TIAM2: variants seen among roughly 807,000 people sequenced by gnomAD.
TIAM2 encodes the protein TIAM Rac1 associated GEF 2.
A neutral mutation model predicts 152.9 loss-of-function variants in TIAM2; 80 were observed. The ratio of observed to expected loss-of-function variants is 0.52; its 90% CI spans 0.44 to 0.63. TIAM2 has a LOEUF of 0.63. Among genes scored for constraint, TIAM2 ranks in the 30% least tolerant of loss-of-function variants. The pLI is 0.00. For missense variants in TIAM2, 1,965 were observed against 2,120.1 expected (o/e 0.93, Z 1.44); for synonymous variants, 804 against 838.0 (o/e 0.96, Z 0.70).
Position 155,016,568 on chromosome 6 carries a change from T to G in TIAM2, c.-209+21076T>G, listed in dbSNP as rs73001057. On this transcript the variant is annotated intron_variant, in intron 1 of 26. Coordinates refer to ENST00000682666, the MANE Select transcript of TIAM2 (RefSeq NM_012454.4). ...ATTTAAATGGTATTTACATTTAAAT[T>G]TAAATGGTATTTACATTTAAATGGT... Among the ~76,000 whole-genome samples, 944 of 99,992 alleles carry G rather than the reference T, an allele frequency of 9.4e-3. 6 individuals carry two copies. The highest frequency in any genetic ancestry group is 0.02 in the African/African-American group (611 of 31,128). 65.6% of individuals were successfully genotyped at this position (99,992 alleles called of 152,430 possible).
chr6:155,045,551 C>T (rs1777156243), intron 1 of TIAM2, among the ~76,000 whole-genome samples: 1 of 151,916 alleles, frequency 6.6e-6, no homozygotes, highest in Admixed American at 6.6e-5. Flanking sequence ...AATGGGTTTT[C>T]CTCAAATAAG....
intron 2 of TIAM2, among the ~76,000 whole-genome samples, chr6:155,126,307 G>T (rs1779294620): frequency 6.6e-6 from 1 of 152,188 alleles, no homozygotes; most frequent in Non-Finnish European, 1.5e-5. Flanking sequence ...AGTTGCCAGG[G>T]GCTGTGGGAC....
chr6:155,093,004 ATAATAAGTTATACTTC>A (rs984950375), intron 2 of TIAM2, among the ~76,000 whole-genome samples: 3 of 152,230 alleles, frequency 2.0e-5, no homozygotes, highest in African/African-American at 7.2e-5. Context: ...AGACTTGCTT[ATAATAAGTTATACTTC>A]TAATAAGTAA....
At chr6:155,025,666 A>AT (rs1776586545) in intron 1 of TIAM2, among the ~76,000 whole-genome samples, 1 of 151,858 alleles carries the variant, frequency 6.6e-6, no homozygotes, top group Non-Finnish European at 1.5e-5. Flanking sequence ...ACATTGTAAC[A>AT]TTTTTTCATC....
intron 20 of TIAM2, among the ~76,000 whole-genome samples, chr6:155,248,612 A>C (rs1008067772): frequency 2.0e-5 from 3 of 152,202 alleles, no homozygotes; most frequent in African/African-American, 4.8e-5. Context: ...CCTTGTGGAG[A>C]TCTCTGAGCA....
At chr6:155,074,148 T>C (rs1777903085) in intron 1 of TIAM2, among the ~76,000 whole-genome samples, 1 of 152,160 alleles carries the variant, frequency 6.6e-6, no homozygotes, top group South Asian at 2.1e-4. Flanking sequence ...GATATTATTA[T>C]TGATTTGTTG....
chr6:155,028,498 GT>G, intron 1 of TIAM2, among the ~76,000 whole-genome samples: 1 of 87,318 alleles, frequency 1.1e-5, no homozygotes, highest in Non-Finnish European at 2.5e-5. Flanking sequence ...TATATATACT[GT>G]GTTACATATA....
At chr6:155,004,268 G>A (rs1255257541) in intron 1 of TIAM2, among the ~76,000 whole-genome samples, 6 of 152,146 alleles carry the variant, frequency 3.9e-5, no homozygotes, top group Non-Finnish European at 8.8e-5. Context: ...TCTAGCTCCT[G>A]GTCTGTAGTC....
intron 1 of TIAM2, among the ~76,000 whole-genome samples, chr6:155,012,324 ATAATCC>A (rs1778503389): frequency 6.6e-6 from 1 of 152,220 alleles, no homozygotes; most frequent in Admixed American, 6.5e-5. Flanking sequence ...GAAGGGAATG[ATAATCC>A]TTAACAGTAT....
chr6:155,098,266 A>G (rs1778464211), intron 2 of TIAM2, among the ~76,000 whole-genome samples: 1 of 152,146 alleles, frequency 6.6e-6, no homozygotes, highest in Non-Finnish European at 1.5e-5. Flanking sequence ...TGCTTTGCGT[A>G]GTATTGCCAT....
chr6:155,036,942 A>G (rs1776935222), intron 1 of TIAM2, among the ~76,000 whole-genome samples: 1 of 152,182 alleles, frequency 6.6e-6, no homozygotes. Flanking sequence ...AAGTTCAGAC[A>G]TTTAAAATTA....
intron 1 of TIAM2, among the ~76,000 whole-genome samples, chr6:155,074,097 G>C (rs1470490686): frequency 6.6e-6 from 1 of 152,108 alleles, no homozygotes; most frequent in African/African-American, 2.4e-5. Flanking sequence ...ATGATACCAG[G>C]TCCTACTTCA....
chr6:155,204,109 G>A (rs187505122), intron 14 of TIAM2, among the ~76,000 whole-genome samples: 15 of 152,258 alleles, frequency 9.9e-5, no homozygotes, highest in Non-Finnish European at 1.8e-4. Flanking sequence ...CACATTGTTC[G>A]ACTGGACCTT....
chr6:155,177,063 T>G lies in TIAM2; in HGVS notation c.2523+86T>G, dbSNP rs879219455. 39 of 1,370,050 alleles carry G rather than the reference T, an allele frequency of 2.8e-5. 2 individuals are homozygous for G. In the South Asian group the frequency reaches 3.5e-4, roughly 12 times the overall value. 84.9% of individuals were successfully genotyped at this position (1,370,050 alleles called of 1,614,324 possible). On this transcript the variant is annotated intron_variant, in intron 10 of 26. Transcript: ENST00000682666. ...TTATGCCTTCTAAATTCATGTGATA[T>G]TCAAGGGCCCAGTTTCCATGCCAGG... is the stretch of plus-strand genomic sequence containing the variant.
At chr6:155,012,812 A>C (rs896415786) in intron 1 of TIAM2, among the ~76,000 whole-genome samples, 1 of 152,316 alleles carries the variant, frequency 6.6e-6, no homozygotes, top group East Asian at 1.9e-4. Context: ...CGGGCTCCCA[A>C]AGTGCTGGGA....
chr6:155,130,493 AC>A, intron 4 of TIAM2, 76 bp downstream of exon 4: 1 of 1,376,584 alleles, frequency 7.3e-7, no homozygotes, highest in Non-Finnish European at 9.9e-7. Context: ...AGTAGAAGCC[AC>A]CATAGAGTGT....
At chr6:155,109,136 A>G (rs1778771569) in intron 2 of TIAM2, among the ~76,000 whole-genome samples, 1 of 151,570 alleles carries the variant, frequency 6.6e-6, no homozygotes, top group African/African-American at 2.4e-5. Context: ...GGCGCCCACC[A>G]CCACACCCGG....
chr6:155,217,674 T>G (rs906241646), intron 15 of TIAM2, among the ~76,000 whole-genome samples: 3 of 152,270 alleles, frequency 2.0e-5, no homozygotes, highest in African/African-American at 7.2e-5. Flanking sequence ...TAGTGTCGCT[T>G]TGGCAGGGAT....
At position 155,129,048 on chromosome 6, in the gene TIAM2, G is replaced by A. The variant is rs1779369185; in HGVS notation, c.-6-170G>A. 4.9e-6 allele frequency: 3 copies of A among 618,444 alleles called. 1 individual carries two copies. The highest frequency in any genetic ancestry group is 8.6e-4 in the Middle Eastern group (2 of 2,332). The allele number at this position is 618,444 out of a possible 1,614,324, so 38.3% of individuals were successfully genotyped here. ...GTCTGTCTAGCTAATGAGCAGCCTT[G>A]CAAAATAAGGAGAGCCTGTTCTACT... On this transcript the variant is annotated intron_variant, in intron 3 of 26. Coordinates refer to ENST00000682666, the MANE Select transcript of TIAM2 (RefSeq NM_012454.4). The surrounding 1 kb of genome is among the most constrained non-coding windows in gnomAD (Gnocchi z 4.8).
Sources: allele counts gnomAD v4.1 joint callset (sites outside exome capture counted in the v4.1 genomes callset), GRCh38; gene constraint gnomAD v4.1.1; non-coding constraint Gnocchi (gnomAD v3.1); transcripts MANE v1.5; gene names NCBI Gene and HGNC (gene_info 2026-07-23, HGNC 2026-07-21).